VPS13B: variants seen among roughly 807,000 people sequenced by gnomAD.
The protein encoded by VPS13B is intermembrane lipid transfer protein VPS13B.
VPS13B carries 285 observed loss-of-function variants against 426.4 expected under a neutral mutation model. That is an observed-to-expected ratio of 0.67 (90% CI 0.61 to 0.74). The LOEUF (loss-of-function observed/expected upper bound fraction) is 0.74, where lower values mean the gene tolerates loss of function less well. VPS13B is among the 30% of genes least tolerant of loss of function. The pLI is 0.00. For missense variants in VPS13B, 4,537 were observed against 4,782.6 expected (o/e 0.95, Z 1.51); for synonymous variants, 1,676 against 1,676.4 (o/e 1.00, Z 0.01).
At chr8:99,158,537 G>GT (rs2132629460) in intron 15 of VPS13B, among the ~76,000 whole-genome samples, 1 of 152,200 alleles carries the variant, frequency 6.6e-6, no homozygotes, top group South Asian at 2.1e-4. Flanking sequence ...TGACTCTCTT[G>GT]TTAGGGGCTA....
intron 3 of VPS13B, among the ~76,000 whole-genome samples, chr8:99,051,753 G>A (rs1275532981): frequency 6.6e-6 from 1 of 152,146 alleles, no homozygotes; most frequent in Non-Finnish European, 1.5e-5. Context: ...CACATCCCTT[G>A]TAAGTTGGAT....
chr8:99,733,671 A>T (rs959414428), intron 39 of VPS13B, among the ~76,000 whole-genome samples: 3 of 152,156 alleles, frequency 2.0e-5, no homozygotes, highest in Admixed American at 2.0e-4. Flanking sequence ...TGTCCTTTCC[A>T]TAAAGATATT....
intron 19 of VPS13B, among the ~76,000 whole-genome samples, chr8:99,313,707 A>T (rs1821143460): frequency 6.6e-6 from 1 of 152,122 alleles, no homozygotes; most frequent in African/African-American, 2.4e-5. Flanking sequence ...TCAGACAGGG[A>T]TATTTAAGTC....
At chr8:99,519,837 A>G (rs1332677530) in intron 29 of VPS13B, among the ~76,000 whole-genome samples, 1 of 151,906 alleles carries the variant, frequency 6.6e-6, no homozygotes, top group Admixed American at 6.6e-5. Context: ...GCATTAGGAG[A>G]TATACCTAAT....
chr8:99,342,235 C>T (rs572939921), intron 19 of VPS13B, among the ~76,000 whole-genome samples: 1 of 152,294 alleles, frequency 6.6e-6, no homozygotes, highest in African/African-American at 2.4e-5. Flanking sequence ...GTTTACCTAT[C>T]CTTTTTCATG....
chr8:99,344,369 A>G (rs1430549151), intron 19 of VPS13B, among the ~76,000 whole-genome samples: 1 of 152,206 alleles, frequency 6.6e-6, no homozygotes, highest in Non-Finnish European at 1.5e-5. Context: ...AACATAGGGA[A>G]AGCTCCTCAA....
intron 17 of VPS13B, among the ~76,000 whole-genome samples, chr8:99,215,891 G>A (rs978871077): frequency 6.6e-6 from 1 of 152,144 alleles, no homozygotes; most frequent in South Asian, 2.1e-4. Context: ...ACCAGTCAAG[G>A]TCCAGCTTTC....
At chr8:99,382,434 G>T (rs1813865527) in intron 19 of VPS13B, among the ~76,000 whole-genome samples, 1 of 152,078 alleles carries the variant, frequency 6.6e-6, no homozygotes. Context: ...CCCTTTTAAT[G>T]ATATTGATTC....
At chr8:99,507,237 A>C (rs1821550214) in intron 28 of VPS13B, 34 bp downstream of exon 28, 1 of 1,600,156 alleles carries the variant, frequency 6.2e-7, no homozygotes, top group African/African-American at 1.3e-5. Context: ...ATTTTTGAAA[A>C]TGTACTTTAA....
intron 50 of VPS13B, 26 bp downstream of exon 50, chr8:99,821,508 G>C (rs1284893668): frequency 6.2e-7 from 1 of 1,613,066 alleles, no homozygotes; most frequent in Non-Finnish European, 8.5e-7. Flanking sequence ...ATGTGGCTGG[G>C]AGGAAATAGC....
chr8:99,712,250 G>A (rs575626027), intron 36 of VPS13B, among the ~76,000 whole-genome samples: 2 of 152,328 alleles, frequency 1.3e-5, no homozygotes, highest in South Asian at 2.1e-4. Flanking sequence ...TCTGCGTTAC[G>A]CAGCTTCAGC....
At chr8:99,480,480 G>A (rs1163079018) in intron 24 of VPS13B, among the ~76,000 whole-genome samples, 7 of 151,988 alleles carry the variant, frequency 4.6e-5, no homozygotes, top group African/African-American at 1.7e-4. Flanking sequence ...TTAAGAAAAA[G>A]CAAAATAATC....
chr8:99,602,617 T>G (rs1353603685), intron 33 of VPS13B, among the ~76,000 whole-genome samples: 2 of 152,172 alleles, frequency 1.3e-5, no homozygotes, highest in Non-Finnish European at 2.9e-5. Flanking sequence ...ATGACATGAT[T>G]GTATATTTAG....
chr8:99,704,254 G>T (rs758083574), intron 36 of VPS13B, among the ~76,000 whole-genome samples: 2 of 152,132 alleles, frequency 1.3e-5, no homozygotes, highest in Non-Finnish European at 2.9e-5. Context: ...TATACAAAAT[G>T]CCTTTTCTCA....
chr8:99,152,323 T>C (rs1348092742), intron 14 of VPS13B, among the ~76,000 whole-genome samples: 1 of 152,244 alleles, frequency 6.6e-6, no homozygotes, highest in African/African-American at 2.4e-5. Context: ...TTTTTAGTTA[T>C]GTTACTGATT....
chr8:99,714,434 C>A (rs888831388), intron 36 of VPS13B, among the ~76,000 whole-genome samples: 3 of 152,126 alleles, frequency 2.0e-5, no homozygotes, highest in Non-Finnish European at 1.5e-5. Context: ...CACAATAAAT[C>A]ATTGCAGGTG....
chr8:99,805,436 T>G (rs1179317437), intron 43 of VPS13B, among the ~76,000 whole-genome samples: 1 of 152,214 alleles, frequency 6.6e-6, no homozygotes, highest in African/African-American at 2.4e-5. Context: ...TTTCTCTTCT[T>G]TGGTGTACTC....
chr8:99,743,717 C>A (rs1295491284), intron 39 of VPS13B, among the ~76,000 whole-genome samples: 1 of 152,118 alleles, frequency 6.6e-6, no homozygotes, highest in Non-Finnish European at 1.5e-5. Flanking sequence ...CAAAAACAAG[C>A]AATGGGGAAA....
intron 55 of VPS13B, among the ~76,000 whole-genome samples, chr8:99,850,717 G>A (rs572320472): frequency 1.5e-4 from 23 of 152,326 alleles, no homozygotes; most frequent in African/African-American, 5.5e-4. Flanking sequence ...CCTGAGGTCA[G>A]GAGTTTGAGA....
Sources: gnomAD v4.1 joint callset for allele counts (sites outside exome capture counted in the v4.1 genomes callset) on GRCh38, gnomAD v4.1.1 for gene constraint, MANE v1.5 for transcripts, NCBI Gene and HGNC (gene_info 2026-07-23, HGNC 2026-07-21) for gene names.